RANBP17: variants seen among roughly 807,000 people sequenced by gnomAD.
The protein encoded by RANBP17 is RAN binding protein 17.
Under a neutral mutation model 141.2 loss-of-function variants are expected in RANBP17, and 158 were observed. The ratio of observed to expected loss-of-function variants is 1.12; its 90% confidence interval spans 0.98 to 1.28. RANBP17 has a LOEUF of 1.28. Among genes scored for constraint, RANBP17 ranks in the 50% most tolerant of loss-of-function variants. The pLI, the probability that RANBP17 is intolerant of heterozygous loss-of-function variation, is 0.00. For missense variants in RANBP17, 1,438 were observed against 1,290.7 expected (o/e 1.11, Z -1.75); for synonymous variants, 430 against 450.0 (o/e 0.96, Z 0.56).
At chr5:171,088,631 G>C (rs2127722648) in intron 14 of RANBP17, among the ~76,000 whole-genome samples, 1 of 152,218 alleles carries the variant, frequency 6.6e-6, no homozygotes, top group African/African-American at 2.4e-5. Context: ...TTTTCACATA[G>C]TCCCATATTT....
rs115433858 is a variant in RANBP17 at position 171,278,761 on chromosome 5, C to T, written c.2943+12914C>T. Among the ~76,000 whole-genome samples, 549 of 152,308 alleles carry T rather than the reference C, an allele frequency of 3.6e-3. 4 individuals carry two copies. The highest frequency in any genetic ancestry group is 0.013 in the African/African-American group (521 of 41,566). The stretch of plus-strand genomic sequence containing the variant: ...CCCTTGAGAGACTTAACTGCACTGC[C>T]TTGTCTGGGGGTGAAACTACCCCTT... On this transcript the variant is annotated intron_variant, in intron 25 of 27. Coordinates refer to ENST00000523189, the MANE Select transcript of RANBP17 (RefSeq NM_022897.5).
intron 22 of RANBP17, among the ~76,000 whole-genome samples, chr5:171,238,353 A>G (rs1019846293): frequency 2.0e-5 from 3 of 148,288 alleles, no homozygotes; most frequent in Non-Finnish European, 4.5e-5. Flanking sequence ...CCAAATTGCA[A>G]TATTAACATA....
intron 2 of RANBP17, among the ~76,000 whole-genome samples, chr5:170,878,573 G>A (rs1021444018): frequency 7.9e-5 from 12 of 152,020 alleles, no homozygotes; most frequent in African/African-American, 2.7e-4. Flanking sequence ...GATAGGGGAG[G>A]CAGATTGTAA....
At chr5:171,065,259 T>C (rs245760) in intron 14 of RANBP17, among the ~76,000 whole-genome samples, 104,348 of 151,746 alleles carry the variant, frequency 0.69, 36,058 homozygotes, top group South Asian at 0.89. Context: ...TTTTTGGCAC[T>C]AGGGACCAGG....
intron 24 of RANBP17, among the ~76,000 whole-genome samples, chr5:171,251,008 A>T (rs1246602363): frequency 6.6e-6 from 1 of 152,248 alleles, no homozygotes; most frequent in Non-Finnish European, 1.5e-5. Context: ...GAATCTACTC[A>T]ACTACAGAAT....
chr5:171,105,762 C>T (rs547241982), intron 14 of RANBP17, among the ~76,000 whole-genome samples: 5 of 152,108 alleles, frequency 3.3e-5, no homozygotes, highest in African/African-American at 1.2e-4. Context: ...CTTTGACTTG[C>T]AAAAGCCTAT....
intron 24 of RANBP17, among the ~76,000 whole-genome samples, chr5:171,254,695 AG>A (rs1765781120): frequency 6.6e-6 from 1 of 152,220 alleles, no homozygotes; most frequent in African/African-American, 2.4e-5. Context: ...TCCATGCATT[AG>A]TAAGTTGTCT....
chr5:170,876,565 C>T (rs1768196795), intron 1 of RANBP17, among the ~76,000 whole-genome samples: 1 of 151,908 alleles, frequency 6.6e-6, no homozygotes. Context: ...TCTTAATCAG[C>T]CTATTTGAAA....
intron 14 of RANBP17, among the ~76,000 whole-genome samples, chr5:171,144,330 C>T (rs1392649148): frequency 6.6e-6 from 1 of 151,600 alleles, no homozygotes; most frequent in Admixed American, 6.6e-5. Context: ...CATGCCGCTG[C>T]CCTTACAGCC....
intron 5 of RANBP17, chr5:170,904,096 A>G (rs1770884886): frequency 2.4e-6 from 1 of 419,084 alleles, no homozygotes; most frequent in Non-Finnish European, 4.6e-6. Context: ...GTTAGAGGAA[A>G]TGTACAGATT....
chr5:171,295,830 G>A (rs761783092), intron 26 of RANBP17, 57 bp from the exon 27 acceptor site: 19 of 1,587,650 alleles, frequency 1.2e-5, no homozygotes, highest in Non-Finnish European at 1.5e-5. Flanking sequence ...TCCCCTGCCA[G>A]CTGTCTTCAG....
chr5:171,003,328 A>G (rs771110701), intron 14 of RANBP17, among the ~76,000 whole-genome samples: 5 of 152,162 alleles, frequency 3.3e-5, no homozygotes, highest in Non-Finnish European at 5.9e-5. Context: ...TTTAGGATCT[A>G]TAGGGTCAGC....
At chr5:170,950,609 A>G (rs967939065) in intron 12 of RANBP17, among the ~76,000 whole-genome samples, 3 of 152,156 alleles carry the variant, frequency 2.0e-5, no homozygotes, top group Admixed American at 2.0e-4. Flanking sequence ...ATGTGGATAA[A>G]AGGGAACTCT....
intron 20 of RANBP17, among the ~76,000 whole-genome samples, chr5:171,208,718 A>G (rs1028102409): frequency 2.0e-5 from 3 of 152,178 alleles, no homozygotes; most frequent in Non-Finnish European, 4.4e-5. Context: ...TGGATTCACC[A>G]CTTAAACTGT....
intron 14 of RANBP17, among the ~76,000 whole-genome samples, chr5:171,057,727 A>G (rs1305620008): frequency 6.6e-6 from 1 of 152,112 alleles, no homozygotes; most frequent in African/African-American, 2.4e-5. Context: ...CATAGCAGAA[A>G]GGAAAAGAGA....
chr5:170,930,520 C>A (rs897812075), intron 12 of RANBP17, among the ~76,000 whole-genome samples: 1 of 151,920 alleles, frequency 6.6e-6, no homozygotes, highest in Non-Finnish European at 1.5e-5. Flanking sequence ...GTTAACTCGT[C>A]ATTTACATTA....
intron 14 of RANBP17, among the ~76,000 whole-genome samples, chr5:171,066,561 A>G (rs748345967): frequency 2.0e-5 from 3 of 152,104 alleles, no homozygotes; most frequent in Non-Finnish European, 2.9e-5. Context: ...TTCTTTATCC[A>G]TTCATCTGTT....
chr5:171,008,277 C>T (rs748095058), intron 14 of RANBP17, among the ~76,000 whole-genome samples: 22 of 152,140 alleles, frequency 1.4e-4, no homozygotes, highest in South Asian at 4.2e-4. Flanking sequence ...ACCGCTTACT[C>T]GAAATTGGTG....
chr5:171,042,278 A>T (rs1434064899), intron 14 of RANBP17, among the ~76,000 whole-genome samples: 1 of 152,094 alleles, frequency 6.6e-6, no homozygotes, highest in East Asian at 1.9e-4. Flanking sequence ...TGTAGTTAGG[A>T]TAGGACCTAA....
Sources: allele counts gnomAD v4.1 joint callset (sites outside exome capture counted in the v4.1 genomes callset), GRCh38; gene constraint gnomAD v4.1.1; transcripts MANE v1.5; gene names NCBI Gene and HGNC (gene_info 2026-07-23, HGNC 2026-07-21).